The following SLC25A31 variants were observed in gnomAD, a reference collection of about 807,000 sequenced individuals.
SLC25A31 encodes the protein solute carrier family 25 member 31, also known as ADP/ATP translocase 4.
Under a neutral mutation model 36.2 loss-of-function variants are expected in SLC25A31, and 40 were observed. The ratio of observed to expected loss-of-function variants is 1.10; its 90% confidence interval spans 0.86 to 1.44. The LOEUF (loss-of-function observed/expected upper bound fraction) is 1.44, where lower values mean the gene tolerates loss of function less well. Among genes scored for constraint, SLC25A31 ranks in the 40% most tolerant of loss-of-function variants. The probability of loss-of-function intolerance (pLI) is 0.00; values close to 1 mark genes in which losing one functional copy is unlikely to be tolerated. For missense variants in SLC25A31, 350 were observed against 397.1 expected (o/e 0.88, Z 1.01); for synonymous variants, 143 against 149.7 (o/e 0.96, Z 0.32).
chr4:127,745,275 T>G (rs1474958297), intron 2 of SLC25A31, among the ~76,000 whole-genome samples: 5 of 151,174 alleles, frequency 3.3e-5, no homozygotes, highest in Admixed American at 2.7e-4. Flanking sequence ...ATGATAAATT[T>G]AAACTAGAGA....
At chr4:127,765,324 T>C (rs1732220697) in intron 3 of SLC25A31, among the ~76,000 whole-genome samples, 1 of 152,228 alleles carries the variant, frequency 6.6e-6, no homozygotes, top group Non-Finnish European at 1.5e-5. Flanking sequence ...TATCTTCCTC[T>C]GTAAGAAAAT....
rs545421537 is a variant in SLC25A31, at chr4:127,751,639, T to C, written c.360+6840T>C. Reference sequence around the variant, plus strand: ...CTACCGTCAGAGTGAACAGGCAACCTACAGAATGGGAGAAAAGTTTTGCAA... The same window carrying C: ...CTACCGTCAGAGTGAACAGGCAACCCACAGAATGGGAGAAAAGTTTTGCAA... On this transcript the variant is annotated intron_variant, in intron 2 of 5. Coordinates refer to ENST00000281154, the MANE Select transcript of SLC25A31 (RefSeq NM_031291.4). 5.3e-5 allele frequency among the ~76,000 whole-genome samples: 8 copies of C among 152,210 alleles called. No homozygotes were observed. In the East Asian group the frequency reaches 9.6e-4, roughly 18 times the overall value.
chr4:127,755,333 G>A (rs1228526723), intron 2 of SLC25A31, among the ~76,000 whole-genome samples: 2 of 152,138 alleles, frequency 1.3e-5, no homozygotes, highest in African/African-American at 4.8e-5. Flanking sequence ...ACAGAGTGAT[G>A]AGACAACCCG....
rs1290915011 is a variant in SLC25A31 at position 127,730,564 on chromosome 4, A to G, written c.19A>G (p.Lys7Glu). The change falls in exon 1 of 6, where the codon AAA becomes GAA. Residue 7 changes from lysine to glutamate, a missense_variant. Coordinates refer to ENST00000281154, the MANE Select transcript of SLC25A31 (RefSeq NM_031291.4). ...CTCCATCATGCATCGTGAGCCTGCG[A>G]AAAAGAAGGCAGAAAAGCGGCTGTT... MHREPA[K>E]KKAEKRLFDA... 1 of 1,613,764 alleles carries G rather than the reference A, an allele frequency of 6.2e-7. No individual in the cohort carries two copies. Among genetic ancestry groups the G allele is most frequent in the East Asian group, 2.2e-5 (1 of 44,878 alleles).
At chr4:127,750,759 C>CA (rs75329434) in intron 2 of SLC25A31, among the ~76,000 whole-genome samples, 4,611 of 143,932 alleles carry the variant, frequency 0.032, 281 homozygotes, top group East Asian at 0.27. Context: ...CTAGTAAATA[C>CA]AAAAAAAAAG....
chr4:127,743,734 T>C (rs2148755764), intron 1 of SLC25A31, among the ~76,000 whole-genome samples: 1 of 152,384 alleles, frequency 6.6e-6, no homozygotes, highest in African/African-American at 2.4e-5. Flanking sequence ...GATTATTTTT[T>C]CCCACAGGGT....
chr4:127,768,654 G>T (rs1435383335), intron 4 of SLC25A31, 98 bp from the exon 5 acceptor site: 26 of 991,080 alleles, frequency 2.6e-5, no homozygotes, highest in Non-Finnish European at 3.6e-5. Flanking sequence ...AGTATAATTG[G>T]GCCCTCTTTC....
intron 2 of SLC25A31, among the ~76,000 whole-genome samples, chr4:127,753,931 C>G (rs969950225): frequency 2.0e-5 from 3 of 152,114 alleles, no homozygotes; most frequent in Non-Finnish European, 4.4e-5. Context: ...TACTAGCAAA[C>G]TGAATTCACC....
intron 1 of SLC25A31, 81 bp downstream of exon 1, chr4:127,730,858 A>G (rs943462291): frequency 6.8e-6 from 9 of 1,322,686 alleles, no homozygotes; most frequent in Non-Finnish European, 9.4e-6. Flanking sequence ...TGGGAGGGGC[A>G]TGATTGTGGG....
intron 2 of SLC25A31, among the ~76,000 whole-genome samples, chr4:127,751,509 T>C (rs976368411): frequency 6.6e-6 from 1 of 152,164 alleles, no homozygotes; most frequent in Non-Finnish European, 1.5e-5. Context: ...GACATAGGCA[T>C]GGGCAAGGAC....
intron 1 of SLC25A31, 119 bp from the exon 2 acceptor site, chr4:127,744,553 T>A: frequency 1.1e-6 from 1 of 901,060 alleles, no homozygotes; most frequent in Non-Finnish European, 1.6e-6. Flanking sequence ...TAGAAAACTT[T>A]ATTTTTCTCA....
In SLC25A31 at chr4:127,767,138, G is replaced by T; in HGVS notation, c.551G>T (p.Gly184Val). 3 of 1,613,794 alleles carry T rather than the reference G, an allele frequency of 1.9e-6. No homozygotes were observed. In the South Asian group the frequency reaches 3.3e-5, roughly 18 times the overall value. ...MKIAKSDGIA[G>V]LYQGFGVSVQ... ...ATAGCAAAATCAGATGGAATTGCTG[G>T]TTTATACCAAGGGTTTGGTGTTTCA... Residue 184 changes from glycine to valine, a missense_variant, in exon 4 of 6, where the codon GGT becomes GTT. Physicochemically the swap from Gly to Val is moderately radical, Grantham distance 109. Transcript: ENST00000281154.
intron 2 of SLC25A31, among the ~76,000 whole-genome samples, chr4:127,763,596 A>T (rs1379798431): frequency 1.3e-5 from 2 of 152,234 alleles, no homozygotes; most frequent in Non-Finnish European, 1.5e-5. Context: ...TCAATAGCTC[A>T]TGTGAACTAG....
chr4:127,772,346 A>G (rs892525593), intron 5 of SLC25A31, among the ~76,000 whole-genome samples: 6 of 152,192 alleles, frequency 3.9e-5, no homozygotes, highest in Admixed American at 2.0e-4. Flanking sequence ...AATAATTGTC[A>G]TGAAGTTTTT....
Position 127,767,195 on chromosome 4 carries a change from A to G in SLC25A31, c.608A>G (p.Tyr203Cys). The change falls in exon 4 of 6, where the codon TAT (tyrosine) becomes TGT (cysteine). Residue 203 changes from tyrosine to cysteine, a missense_variant. Physicochemically the swap from Tyr to Cys is radical, Grantham distance 194 (BLOSUM62 -2). Coordinates refer to ENST00000281154, the MANE Select transcript of SLC25A31 (RefSeq NM_031291.4). ...VQGIIVYRAS[Y>C]FGAYDTVKGL... is the part of the protein sequence containing the mutation. ...GGCATCATTGTGTACCGAGCCTCTT[A>G]TTTTGGAGCTTATGACACAGTTAAG... is the stretch of plus-strand genomic sequence containing the variant. 6.2e-7 allele frequency: 1 copy of G among 1,604,340 alleles called. No homozygotes were observed. The highest frequency in any genetic ancestry group is 2.3e-5 in the East Asian group (1 of 44,442).
intron 2 of SLC25A31, among the ~76,000 whole-genome samples, chr4:127,754,091 C>T (rs111886745): frequency 2.0e-5 from 3 of 152,182 alleles, no homozygotes; most frequent in Non-Finnish European, 4.4e-5. Context: ...AAGCATTTTA[C>T]AAAGTTCATT....
At chr4:127,747,091 A>G (rs1307403768) in intron 2 of SLC25A31, among the ~76,000 whole-genome samples, 1 of 152,052 alleles carries the variant, frequency 6.6e-6, no homozygotes, top group Non-Finnish European at 1.5e-5. Context: ...GTAGATGTGC[A>G]GTTTTATTTC....
chr4:127,739,990 T>C (rs78009935), intron 1 of SLC25A31, among the ~76,000 whole-genome samples: 8,371 of 152,202 alleles, frequency 0.055, 362 homozygotes, highest in Non-Finnish European at 0.082. Context: ...TAGAAGTTTG[T>C]GTCTATTTTC....
rs1560630379 is a variant in SLC25A31 at position 127,735,872 on chromosome 4, AT to A, written c.232+5098del. On this transcript the variant is annotated intron_variant, in intron 1 of 5. Coordinates refer to ENST00000281154, the MANE Select transcript of SLC25A31 (RefSeq NM_031291.4). ...AACATGCCTAACATTCTTTTATTTTATTTATTTATTTATTTATTTATTTATT... is the reference window on the plus strand; with the variant it reads ...AACATGCCTAACATTCTTTTATTTTATTATTTATTTATTTATTTATTTATT... 5.3e-4 allele frequency among the ~76,000 whole-genome samples: 45 copies of A among 84,392 alleles called. No individual in the cohort carries two copies. In the East Asian group the frequency reaches 6.3e-3, roughly 12 times the overall value. 55.4% of individuals were successfully genotyped at this position (84,392 alleles called of 152,430 possible). A position where few individuals can be genotyped will look rare whatever the true frequency, so the allele number is the denominator to read the frequency against.
Sources: gnomAD v4.1 joint callset for allele counts (sites outside exome capture counted in the v4.1 genomes callset) on GRCh38, gnomAD v4.1.1 for gene constraint, MANE v1.5 for transcripts, NCBI Gene and HGNC (gene_info 2026-07-23, HGNC 2026-07-21) for gene names.